PRR14L: variants seen among roughly 807,000 people sequenced by gnomAD.
The protein encoded by PRR14L is protein PRR14L.
In PRR14L, 80 loss-of-function variants were observed where a neutral mutation model predicts 155.0. The observed-to-expected ratio is 0.52, with a 90% CI of 0.43 to 0.62. The LOEUF (loss-of-function observed/expected upper bound fraction) is 0.62, where lower values mean the gene tolerates loss of function less well. Among genes scored for constraint, PRR14L ranks in the 20% least tolerant of loss-of-function variants. The pLI, the probability that PRR14L is intolerant of heterozygous loss-of-function variation, is 0.00. For missense variants in PRR14L, 2,469 were observed against 2,548.0 expected (o/e 0.97, Z 0.67); for synonymous variants, 883 against 916.0 (o/e 0.96, Z 0.65).
intron 7 of PRR14L, among the ~76,000 whole-genome samples, chr22:31,698,756 T>TA (rs893808821): frequency 2.6e-5 from 4 of 151,384 alleles, no homozygotes; most frequent in Admixed American, 1.3e-4. Context: ...CCATCTCTAC[T>TA]AAAAAAATAC....
At chr22:31,687,053 T>C (rs2074485633) in intron 8 of PRR14L, among the ~76,000 whole-genome samples, 1 of 152,216 alleles carries the variant, frequency 6.6e-6, no homozygotes, top group South Asian at 2.1e-4. Context: ...TTTTTCATTT[T>C]TGAGATGGAG....
intron 2 of PRR14L, among the ~76,000 whole-genome samples, chr22:31,730,577 T>C (rs131244): frequency 0.31 from 47,740 of 152,140 alleles, 8,509 homozygotes; most frequent in African/African-American, 0.5. Context: ...GGCAAACTTC[T>C]ATCACTTGGT....
chr22:31,696,337 C>T (rs1425991157), intron 7 of PRR14L, among the ~76,000 whole-genome samples: 1 of 152,090 alleles, frequency 6.6e-6, no homozygotes, highest in Non-Finnish European at 1.5e-5. Flanking sequence ...GATGGGGTTT[C>T]ACCATGTTAG....
chr22:31,730,837 TCAC>T (rs1050526311), intron 2 of PRR14L, among the ~76,000 whole-genome samples: 2 of 152,342 alleles, frequency 1.3e-5, no homozygotes, highest in Non-Finnish European at 2.9e-5. Flanking sequence ...CTTTCTTTTC[TCAC>T]TTTTAATTCA....
In PRR14L at chr22:31,685,615, T is replaced by G; in HGVS notation, c.6368A>C (p.Glu2123Ala). ...RAQKAAVQSR[E>A]LDALLIQKLM... ...TTTCTGTATCAAAAGAGCATCCAGCTCTCGACTCTGCACAGCTGCCTTCTG... is the reference window on the plus strand; with the variant it reads ...TTTCTGTATCAAAAGAGCATCCAGCGCTCGACTCTGCACAGCTGCCTTCTG... Residue 2123 changes from glutamate to alanine, a missense_variant, in exon 9 of 9, where the codon GAG (glutamate) becomes GCG (alanine). Coordinates refer to ENST00000327423, the MANE Select transcript of PRR14L (RefSeq NM_173566.3). The G allele has an allele frequency of 6.4e-7, 1 of 1,551,974 alleles. No homozygotes were observed. The highest frequency in any genetic ancestry group is 8.7e-7 in the Non-Finnish European group (1 of 1,147,032).
chr22:31,711,977 C>T, intron 4 of PRR14L, 106 bp downstream of exon 4: 2 of 1,069,030 alleles, frequency 1.9e-6, no homozygotes, highest in East Asian at 2.4e-5. Flanking sequence ...AATGCAGACC[C>T]AAGAGGACTC....
At chr22:31,740,980 A>G (rs9621327) in intron 1 of PRR14L, among the ~76,000 whole-genome samples, 48,242 of 151,730 alleles carry the variant, frequency 0.32, 8,767 homozygotes, top group African/African-American at 0.51. Context: ...AAGGCGGGGC[A>G]TGGTGGCTCA....
intron 7 of PRR14L, among the ~76,000 whole-genome samples, chr22:31,691,579 C>T (rs1569497172): frequency 6.6e-6 from 1 of 152,172 alleles, no homozygotes; most frequent in Non-Finnish European, 1.5e-5. Flanking sequence ...CTGGACTCTC[C>T]CCTGCCACCC....
intron 4 of PRR14L, 130 bp from the exon 5 acceptor site, chr22:31,704,856 G>T: frequency 1.6e-6 from 1 of 620,966 alleles, no homozygotes. Context: ...CTCAGAAAGA[G>T]GAAAGCTTTC....
At chr22:31,689,107 T>G (rs1452161021) in intron 7 of PRR14L, among the ~76,000 whole-genome samples, 1 of 152,338 alleles carries the variant, frequency 6.6e-6, no homozygotes, top group Middle Eastern at 3.4e-3. Flanking sequence ...TATTAACTAT[T>G]GGGTTTATAT....
chr22:31,701,671 AG>A lies in PRR14L; in HGVS notation c.6091del (p.Leu2031PhefsTer7), dbSNP rs1334869476. The A allele has an allele frequency of 6.2e-7, 1 of 1,608,198 alleles. No homozygotes were observed. Among genetic ancestry groups the A allele is most frequent in the Non-Finnish European group, 8.5e-7 (1 of 1,177,892 alleles). The part of the protein sequence containing the change: ...RPDPNLTPMG[L>X]PRPKRLKKKE... ...AGGAGCTCACCTTTTGGGTCGAGGA[AG>A]GCCCATGGGGGTAAGATTAGGATCT... On this transcript the variant is annotated frameshift_variant, in exon 7 of 9. Transcript: ENST00000327423. LOFTEE classifies it high-confidence loss of function.
intron 4 of PRR14L, among the ~76,000 whole-genome samples, chr22:31,708,645 G>A (rs2074604284): frequency 6.7e-6 from 1 of 150,012 alleles, no homozygotes; most frequent in African/African-American, 2.5e-5. Flanking sequence ...TCTTGTTGCT[G>A]TTGAAATTTT....
intron 7 of PRR14L, among the ~76,000 whole-genome samples, chr22:31,699,742 T>C (rs560126738): frequency 7.9e-5 from 12 of 152,192 alleles, no homozygotes; most frequent in Non-Finnish European, 1.6e-4. Flanking sequence ...TTTACTTGAA[T>C]TGGAAAACAG....
At chr22:31,705,043 T>G (rs1234162805) in intron 4 of PRR14L, among the ~76,000 whole-genome samples, 1 of 152,162 alleles carries the variant, frequency 6.6e-6, no homozygotes, top group Non-Finnish European at 1.5e-5. Context: ...GCAGATCGCT[T>G]CAGCCTAGGA....
rs367966573 is a variant in PRR14L at position 31,688,260 on chromosome 22, TTCTC to T, written c.6108-37_6108-34del. ...GAAATAAGGAAAAAAATTCTTCAGG[TTCTC>T]TCTCTCTTTTTTTTTTCAGAGAAGG... On this transcript the variant is annotated intron_variant, in intron 7 of 8. Coordinates refer to ENST00000327423, the MANE Select transcript of PRR14L (RefSeq NM_173566.3). 3,951 of 1,540,602 alleles carry T rather than the reference TTCTC, an allele frequency of 2.6e-3. 5 individuals are homozygous for T. Among genetic ancestry groups the T allele is most frequent in the Middle Eastern group, 5.7e-3 (26 of 4,532 alleles).
At position 31,738,384 on chromosome 22, in the gene PRR14L, T is replaced by C. The variant is rs1056986484; in HGVS notation, c.474+3A>G. 8.4e-6 allele frequency: 13 copies of C among 1,550,214 alleles called. No individual in the cohort carries two copies. Among genetic ancestry groups the C allele is most frequent in the African/African-American group, 2.7e-5 (2 of 72,920 alleles). On this transcript the variant is annotated splice_donor_region_variant and intron_variant, in intron 2 of 8. Transcript: ENST00000327423. ...TCTTCGGAATGGAGATTTCATTTCT[T>C]ACCTGACTCGGGCTAGTCTTTTCTT...
Position 31,714,564 on chromosome 22 carries a change from G to T in PRR14L, c.3275C>A (p.Ser1092Tyr). Residue 1092 changes from serine (S) to tyrosine (Y), a missense_variant, in exon 4 of 9, where the codon TCC (serine) becomes TAC (tyrosine). Around this residue, in one of 2 missense-constraint regions of PRR14L, gnomAD observed 2,363 missense variants for 2,371.6 expected, o/e 1.00. Transcript: ENST00000327423. ...RQEKLAFQED[S>Y]RSTLSRRELD... ...TTCTCTCCGAGACAAGGTACTCCTG[G>T]AGTCCTCTTGAAATGCCAGTTTCTC... 6.4e-7 allele frequency: 1 copy of T among 1,551,888 alleles called. No homozygotes were observed. Among genetic ancestry groups the T allele is most frequent in the Non-Finnish European group, 8.7e-7 (1 of 1,147,042 alleles).
rs1339341290 is a variant in PRR14L at position 31,716,258 on chromosome 22, T to C, written c.1581A>G (p.Val527=). The C allele has an allele frequency of 6.4e-7, 1 of 1,551,604 alleles. No individual in the cohort carries two copies. The highest frequency in any genetic ancestry group is 2.4e-5 in the East Asian group (1 of 40,918). ...AAGATTTACTTAATATATTGGGCTC[T>C]ACAGGGGTTGTCTGTCCTGCCTCTT... ...QIEEAGQTTP[V]EPNILSKSFY... Residue 527 remains valine (V), a synonymous_variant, in exon 4 of 9, where the codon GTA becomes GTG. Transcript: ENST00000327423.
At position 31,724,730 on chromosome 22, in the gene PRR14L, C is replaced by G. The variant is rs192668840; in HGVS notation, c.547+808G>C. Among the ~76,000 whole-genome samples, 43 of 152,258 alleles carry G rather than the reference C, an allele frequency of 2.8e-4. No homozygotes were observed. In the Middle Eastern group the frequency reaches 0.014, roughly 48 times the overall value. On this transcript the variant is annotated intron_variant, in intron 3 of 8. Coordinates refer to ENST00000327423, the MANE Select transcript of PRR14L (RefSeq NM_173566.3). Reference sequence around the variant, plus strand: ...TCTGTATTAGCCTTGACACATAGACCTCTCTAAAGTAATCTAAGTTTATTT... The same window carrying G: ...TCTGTATTAGCCTTGACACATAGACGTCTCTAAAGTAATCTAAGTTTATTT...
Sources: gnomAD v4.1 joint callset for allele counts (sites outside exome capture counted in the v4.1 genomes callset) on GRCh38, gnomAD v4.1.1 for gene constraint, gnomAD v4.1.1 regional missense constraint, MANE v1.5 for transcripts, NCBI Gene and HGNC (gene_info 2026-07-23, HGNC 2026-07-21) for gene names.